The following FMN2 variants were observed in gnomAD, a reference collection of about 807,000 sequenced individuals.
The protein encoded by FMN2 is formin 2.
In FMN2, 51 loss-of-function variants were observed where a neutral mutation model predicts 142.3. That is an observed-to-expected ratio of 0.36 (90% CI 0.29 to 0.45). The LOEUF (loss-of-function observed/expected upper bound fraction) is 0.45, where lower values mean the gene tolerates loss of function less well. Ranked by LOEUF, FMN2 falls within the 20% of genes least tolerant of loss-of-function variation. The pLI is 1.00. For synonymous variants in FMN2, 882 were observed against 869.8 expected, an observed-to-expected ratio of 1.01 and a Z score of -0.25; for missense variants, 1,936 against 2,122.8, an observed-to-expected ratio of 0.91 and a Z score of 1.73.
intron 2 of FMN2, 72 bp from the exon 3 acceptor site, chr1:240,177,849 A>G (rs1664983993): frequency 5.3e-6 from 7 of 1,308,624 alleles, no homozygotes; most frequent in South Asian, 2.1e-5. Context: ...TGATTTTGCA[A>G]TGTATTAGTC....
intron 8 of FMN2, among the ~76,000 whole-genome samples, chr1:240,300,831 G>A (rs1342586337): frequency 6.7e-6 from 1 of 148,860 alleles, no homozygotes; most frequent in Non-Finnish European, 1.5e-5. Flanking sequence ...AATACTCTTT[G>A]TCTTGACGTT....
intron 2 of FMN2, among the ~76,000 whole-genome samples, chr1:240,135,940 A>G (rs947826317): frequency 6.6e-6 from 1 of 151,502 alleles, no homozygotes; most frequent in Non-Finnish European, 1.5e-5. Context: ...CGGCCTCCCA[A>G]AGTGCTGGGA....
chr1:240,097,768 T>C (rs1469993062), intron 1 of FMN2, among the ~76,000 whole-genome samples: 1 of 152,206 alleles, frequency 6.6e-6, no homozygotes, highest in Non-Finnish European at 1.5e-5. Context: ...GTTACACTTA[T>C]TGTACTTCTA....
intron 15 of FMN2, among the ~76,000 whole-genome samples, chr1:240,403,400 G>A (rs954700008): frequency 6.6e-6 from 1 of 152,182 alleles, no homozygotes; most frequent in African/African-American, 2.4e-5. Flanking sequence ...TTGGGAAGCT[G>A]AGGCAGGCAG....
chr1:240,392,577 T>G lies in FMN2; in HGVS notation c.4910+15T>G. ...ACTCATAAATGGTGAGAAATTACTTTATTTCCTCCCAGAATAGCGTTATAA... is the reference window on the plus strand; with the variant it reads ...ACTCATAAATGGTGAGAAATTACTTGATTTCCTCCCAGAATAGCGTTATAA... On this transcript the variant is annotated intron_variant, in intron 15 of 17. Transcript: ENST00000319653. 2.5e-6 allele frequency: 4 copies of G among 1,600,486 alleles called. No individual in the cohort carries two copies. The highest frequency in any genetic ancestry group is 3.4e-6 in the Non-Finnish European group (4 of 1,172,410).
intron 14 of FMN2, among the ~76,000 whole-genome samples, chr1:240,368,201 C>T (rs12121547): frequency 1.4e-3 from 214 of 152,276 alleles, no homozygotes; most frequent in Non-Finnish European, 2.7e-3. Flanking sequence ...TAGATTTATG[C>T]CTCCTCTTGG....
At chr1:240,346,092 T>G (rs1182865291) in intron 13 of FMN2, among the ~76,000 whole-genome samples, 1 of 152,122 alleles carries the variant, frequency 6.6e-6, no homozygotes, top group African/African-American at 2.4e-5. Context: ...CAGTATGATT[T>G]CAGTTTTTAA....
intron 6 of FMN2, among the ~76,000 whole-genome samples, chr1:240,241,739 A>C (rs547770808): frequency 1.7e-4 from 26 of 151,950 alleles, no homozygotes; most frequent in African/African-American, 6.3e-4. Flanking sequence ...TAAGAGAAGA[A>C]TCTAACCATT....
At chr1:240,371,670 A>T (rs1194444981) in intron 14 of FMN2, among the ~76,000 whole-genome samples, 1 of 152,206 alleles carries the variant, frequency 6.6e-6, no homozygotes, top group African/African-American at 2.4e-5. Flanking sequence ...TAAAATTATG[A>T]TATTTTCTGG....
intron 4 of FMN2, among the ~76,000 whole-genome samples, chr1:240,192,221 A>G (rs1665726809): frequency 6.6e-6 from 1 of 152,192 alleles, no homozygotes; most frequent in Non-Finnish European, 1.5e-5. Context: ...TTCAGAAATA[A>G]TTTAGGAACA....
chr1:240,394,800 T>G (rs1461206463), intron 15 of FMN2, among the ~76,000 whole-genome samples: 1 of 151,934 alleles, frequency 6.6e-6, no homozygotes, highest in African/African-American at 2.4e-5. Context: ...AAACCCCGTC[T>G]CTACTAAAAA....
At chr1:240,436,064 C>T (rs1471916616) in intron 15 of FMN2, among the ~76,000 whole-genome samples, 1 of 152,108 alleles carries the variant, frequency 6.6e-6, no homozygotes, top group Non-Finnish European at 1.5e-5. Flanking sequence ...AAATATGACC[C>T]AGATATGTCT....
At chr1:240,155,544 G>T (rs1041584682) in intron 2 of FMN2, among the ~76,000 whole-genome samples, 1 of 152,124 alleles carries the variant, frequency 6.6e-6, no homozygotes, top group African/African-American at 2.4e-5. Flanking sequence ...GCCTCTCAAA[G>T]TGCTGGGATT....
intron 6 of FMN2, among the ~76,000 whole-genome samples, chr1:240,256,488 C>G (rs1486130039): frequency 6.7e-6 from 1 of 149,922 alleles, no homozygotes; most frequent in Non-Finnish European, 1.5e-5. Flanking sequence ...CCTGTTATTT[C>G]AACACTTTGG....
Position 240,129,860 on chromosome 1 carries a change from A to G in FMN2, c.1782+6515A>G, listed in dbSNP as rs1054686502. ...TCATGCATGAGGATTTAGCTCCTTT[A>G]TACTCCTTCCTTGTCTCTCCTTCTT... On this transcript the variant is annotated intron_variant, in intron 2 of 17. Transcript: ENST00000319653. Among the ~76,000 whole-genome samples the G allele has an allele frequency of 3.9e-5, 6 of 152,120 alleles. No homozygotes were observed. The South Asian group carries it at 6.2e-4, about 16-fold the overall frequency.
intron 8 of FMN2, among the ~76,000 whole-genome samples, chr1:240,299,400 T>C (rs1200760856): frequency 6.6e-6 from 1 of 152,210 alleles, no homozygotes; most frequent in Non-Finnish European, 1.5e-5. Context: ...TTATTTACAT[T>C]TCAAATGCTC....
chr1:240,255,894 G>A (rs1668436802), intron 6 of FMN2, among the ~76,000 whole-genome samples: 1 of 152,160 alleles, frequency 6.6e-6, no homozygotes, highest in South Asian at 2.1e-4. Context: ...AGGTTATAAT[G>A]CGACGAAAAT....
intron 14 of FMN2, among the ~76,000 whole-genome samples, chr1:240,376,543 G>A (rs919439104): frequency 6.6e-6 from 1 of 152,040 alleles, no homozygotes; most frequent in African/African-American, 2.4e-5. Context: ...CCTATAGAAT[G>A]TGTATAGACT....
At chr1:240,214,638 A>T (rs1435406486) in intron 6 of FMN2, among the ~76,000 whole-genome samples, 1 of 152,142 alleles carries the variant, frequency 6.6e-6, no homozygotes, top group African/African-American at 2.4e-5. Flanking sequence ...ACACTTGCCC[A>T]ATTTTAAGGA....
Sources: gnomAD v4.1 joint callset for allele counts (sites outside exome capture counted in the v4.1 genomes callset) on GRCh38, gnomAD v4.1.1 for gene constraint, MANE v1.5 for transcripts, NCBI Gene and HGNC (gene_info 2026-07-23, HGNC 2026-07-21) for gene names.